The following RTCA variants were observed in gnomAD, a reference collection of about 807,000 sequenced individuals.
RTCA encodes the protein RNA 3'-terminal phosphate cyclase.
In RTCA, 37 loss-of-function variants were observed where a neutral mutation model predicts 46.1. The ratio of observed to expected loss-of-function variants is 0.80; its 90% CI spans 0.62 to 1.06. RTCA has a LOEUF of 1.06. Ranked by LOEUF, RTCA falls within the 50% of genes least tolerant of loss-of-function variation. RTCA has a pLI of 0.00. For synonymous variants in RTCA, 164 were observed against 158.3 expected (o/e 1.04, Z -0.27); for missense variants, 435 against 455.5 (o/e 0.95, Z 0.41).
At position 100,275,705 on chromosome 1, in the gene RTCA, G is replaced by T. The variant is rs1374359040; in HGVS notation, c.722G>T (p.Gly241Val). The T allele has an allele frequency of 6.2e-6, 10 of 1,610,048 alleles. No individual in the cohort carries two copies. In the South Asian group the frequency reaches 1.1e-4, roughly 18 times the overall value. Residue 241 changes from glycine (G) to valine (V), a missense_variant, in exon 7 of 11, where the codon GGC (glycine) becomes GTC (valine). Physicochemically the swap from Gly to Val is moderately radical, Grantham distance 109 (BLOSUM62 -3). Coordinates refer to ENST00000370128, the MANE Select transcript of RTCA (RefSeq NM_003729.4). ...PVQEPKDQAF[G>V]NGNGIIIIAE... Reference sequence around the variant, plus strand: ...CAAGAACCTAAAGACCAAGCATTTGGCAATGGAAATGGAATAATGTGAGAC... The same window carrying T: ...CAAGAACCTAAAGACCAAGCATTTGTCAATGGAAATGGAATAATGTGAGAC...
rs188937436 is a variant in RTCA at position 100,277,436 on chromosome 1, T to C, written c.799+120T>C. On this transcript the variant is annotated intron_variant, in intron 8 of 10. Coordinates refer to ENST00000370128, the MANE Select transcript of RTCA (RefSeq NM_003729.4). ...TTAAAAGGATGTAGTTAATTGATTC[T>C]CTTTTAGAGTCAATTACACTTTCAG... 1,682 of 890,268 alleles carry C rather than the reference T, an allele frequency of 1.9e-3. 3 individuals are homozygous for C. Among genetic ancestry groups the C allele is most frequent in the Middle Eastern group, 4.2e-3 (18 of 4,320 alleles). The allele number at this position is 890,268 out of a possible 1,614,324, so 55.1% of individuals were successfully genotyped here. A position where few individuals can be genotyped will look rare whatever the true frequency, so the allele number is the denominator to read the frequency against.
intron 9 of RTCA, 58 bp downstream of exon 9, chr1:100,285,380 A>C (rs564753958): frequency 9.0e-7 from 1 of 1,115,732 alleles, no homozygotes; most frequent in African/African-American, 1.5e-5. Context: ...TATGTGGTAG[A>C]TTGAATATCA....
At position 100,270,799 on chromosome 1, in the gene RTCA, T is replaced by TTTTC. The variant is rs536158980; in HGVS notation, c.414+135_414+138dup. ...TTCTTGTTTATCTCTTCATGGTGTC[T>TTTTC]TTTCTTTCTTTCTTTCTTTTTTTTT... On this transcript the variant is annotated intron_variant, in intron 4 of 10. Transcript: ENST00000370128. 5.5e-4 allele frequency: 679 copies of TTTTC among 1,242,334 alleles called. 4 individuals are homozygous for TTTTC. The African/African-American group carries it at 9.3e-3, about 17-fold the overall frequency. The allele number at this position is 1,242,334 out of a possible 1,614,324, so 77.0% of individuals were successfully genotyped here.
At chr1:100,286,792 C>T (rs906047694) in intron 9 of RTCA, among the ~76,000 whole-genome samples, 3 of 152,122 alleles carry the variant, frequency 2.0e-5, no homozygotes, top group African/African-American at 7.2e-5. Flanking sequence ...GAATAAACAT[C>T]ATATTATATA....
At chr1:100,269,400 G>A (rs548624404) in intron 3 of RTCA, among the ~76,000 whole-genome samples, 240 of 145,892 alleles carry the variant, frequency 1.6e-3, no homozygotes, top group African/African-American at 5.9e-3. Context: ...AGGCTGGAGT[G>A]CAGTGGCATG....
At chr1:100,285,651 A>ATT (rs1056435804) in intron 9 of RTCA, among the ~76,000 whole-genome samples, 1 of 144,504 alleles carries the variant, frequency 6.9e-6, no homozygotes, top group Non-Finnish European at 1.5e-5. Flanking sequence ...CTCAACAACA[A>ATT]TTTTTTTTTT....
At chr1:100,277,193 T>A in intron 7 of RTCA, 65 bp from the exon 8 acceptor site, 1 of 1,429,014 alleles carries the variant, frequency 7.0e-7, no homozygotes, top group East Asian at 2.3e-5. Flanking sequence ...TGTTCTCTTT[T>A]GTTGTATTTG....
chr1:100,274,502 A>T (rs552527738), intron 5 of RTCA, among the ~76,000 whole-genome samples: 34 of 152,344 alleles, frequency 2.2e-4, no homozygotes, highest in Middle Eastern at 3.4e-3. Context: ...TATATGTTCC[A>T]TATCTATGCT....
chr1:100,269,852 A>G (rs1020946870), intron 3 of RTCA, among the ~76,000 whole-genome samples: 1 of 151,966 alleles, frequency 6.6e-6, no homozygotes, highest in African/African-American at 2.4e-5. Flanking sequence ...CTGCCCCCCG[A>G]CAAGCCCTGG....
chr1:100,291,666 CTT>C lies in RTCA; in HGVS notation c.*164_*165del. 2.2e-6 allele frequency: 1 copy of C among 444,708 alleles called. No homozygotes were observed. Among genetic ancestry groups the C allele is most frequent in the Non-Finnish European group, 4.0e-6 (1 of 250,030 alleles). The allele number at this position is 444,708 out of a possible 1,614,324, so 27.5% of individuals were successfully genotyped here. A position where few individuals can be genotyped will look rare whatever the true frequency, so the allele number is the denominator to read the frequency against. ...AGAAGGCTTCATTAAATTAATCTCA[CTT>C]TGAATATCTCCTGAGAGATGGACAA... On this transcript the variant is annotated 3_prime_UTR_variant, in exon 11 of 11. Transcript: ENST00000370128.
rs528374839 is a variant in RTCA, at chr1:100,281,616, C to T, written c.800-3612C>T. Among the ~76,000 whole-genome samples the T allele has an allele frequency of 3.3e-5, 5 of 152,302 alleles. No homozygotes were observed. In the East Asian group the frequency reaches 9.6e-4, roughly 29 times the overall value. On this transcript the variant is annotated intron_variant, in intron 8 of 10. Transcript: ENST00000370128. ...GAAATGAATTGTGCCTCTGGTTAAT[C>T]AATCTTTATTTCCTTTGTATAGTAA... is the stretch of plus-strand genomic sequence containing the variant.
intron 4 of RTCA, among the ~76,000 whole-genome samples, chr1:100,272,758 C>T (rs1226536775): frequency 6.6e-6 from 1 of 152,048 alleles, no homozygotes; most frequent in African/African-American, 2.4e-5. Context: ...AATTTGACTT[C>T]AAGGAAACTC....
chr1:100,276,405 G>A lies in RTCA; in HGVS notation c.740+682G>A, dbSNP rs191006110. Among the ~76,000 whole-genome samples, 246 of 152,204 alleles carry A rather than the reference G, an allele frequency of 1.6e-3. 2 individuals are homozygous for A. Among genetic ancestry groups the A allele is most frequent in the African/African-American group, 5.7e-3 (236 of 41,540 alleles). ...TTTAAAACCAGACTAGAGGCCAGGC[G>A]CGGTGGCTTACACCTGTAATCCCAG... On this transcript the variant is annotated intron_variant, in intron 7 of 10. Transcript: ENST00000370128.
rs1337228507 is a variant in RTCA, at chr1:100,266,535, C to T, written c.57C>T (p.Ile19=). ...CCCAACCTTTGCAGGGCGGCCAGAT[C>T]CTGAGAGTCTCTACGGCCTTGAGCT... ...DGSIMEGGGQ[I]LRVSTALSCL... Residue 19 remains isoleucine (I), a synonymous_variant, in exon 2 of 11, where the codon ATC becomes ATT. Coordinates refer to ENST00000370128, the MANE Select transcript of RTCA (RefSeq NM_003729.4). 3.1e-6 allele frequency: 5 copies of T among 1,613,444 alleles called. No homozygotes were observed. Among genetic ancestry groups the T allele is most frequent in the Non-Finnish European group, 4.2e-6 (5 of 1,179,422 alleles).
rs1354862227 is a variant in RTCA, at chr1:100,291,597, A to G, written c.*93A>G. 7.6e-6 allele frequency: 6 copies of G among 786,356 alleles called. No homozygotes were observed. The highest frequency in any genetic ancestry group is 5.1e-5 in the Admixed American group (2 of 39,328). 48.7% of individuals were successfully genotyped at this position (786,356 alleles called of 1,614,324 possible). On this transcript the variant is annotated 3_prime_UTR_variant, in exon 11 of 11. Transcript: ENST00000370128. ...ACTAGGAAGTAACTTATTAAAGGCT[A>G]TGACTTAAATTTGAAGATGAAGTAC...
At chr1:100,279,805 G>A (rs756551623) in intron 8 of RTCA, among the ~76,000 whole-genome samples, 21 of 152,158 alleles carry the variant, frequency 1.4e-4, no homozygotes, top group Non-Finnish European at 2.6e-4. Flanking sequence ...CTGTGTTTGA[G>A]CAAGCAACTG....
chr1:100,276,234 C>T (rs982228220), intron 7 of RTCA, among the ~76,000 whole-genome samples: 1 of 152,108 alleles, frequency 6.6e-6, no homozygotes, highest in African/African-American at 2.4e-5. Flanking sequence ...CCTTTTGTTA[C>T]CTTGTAAGAT....
chr1:100,283,160 CTTTTTTTTTTTT>C (rs71084815), intron 8 of RTCA, among the ~76,000 whole-genome samples: 3 of 102,088 alleles, frequency 2.9e-5, no homozygotes, highest in Non-Finnish European at 5.6e-5. Flanking sequence ...CCAAATATTC[CTTTTTTTTTTTT>C]TTTTTTTTTT....
intron 7 of RTCA, 144 bp downstream of exon 7, chr1:100,275,867 G>C (rs189411828): frequency 4.4e-5 from 31 of 710,262 alleles, no homozygotes; most frequent in Non-Finnish European, 5.9e-5. Flanking sequence ...GTGGAGTCTC[G>C]CTCTGTTGTC....
Sources: allele counts gnomAD v4.1 joint callset (sites outside exome capture counted in the v4.1 genomes callset), GRCh38; gene constraint gnomAD v4.1.1; transcripts MANE v1.5; gene names NCBI Gene and HGNC (gene_info 2026-07-23, HGNC 2026-07-21).